CPVL: variants seen among roughly 807,000 people sequenced by gnomAD.
The protein encoded by CPVL is probable serine carboxypeptidase CPVL.
In CPVL, 51 loss-of-function variants were observed where a neutral mutation model predicts 63.7. The observed-to-expected ratio is 0.80, with a 90% CI of 0.64 to 1.01. CPVL has a LOEUF of 1.01. CPVL is among the 50% of genes least tolerant of loss of function. CPVL has a pLI of 0.00. For missense variants in CPVL, 530 were observed against 573.1 expected, an observed-to-expected ratio of 0.92 and a Z score of 0.77; for synonymous variants, 195 against 206.0, an observed-to-expected ratio of 0.95 and a Z score of 0.46.
At chr7:29,107,999 T>C (rs957741146) in intron 3 of CPVL, among the ~76,000 whole-genome samples, 5 of 152,194 alleles carry the variant, frequency 3.3e-5, no homozygotes, top group Admixed American at 6.5e-5. Context: ...TCATTTTCTC[T>C]CCAATTGACT....
At chr7:29,142,865 T>C (rs949873758) in intron 1 of CPVL, among the ~76,000 whole-genome samples, 2 of 152,162 alleles carry the variant, frequency 1.3e-5, no homozygotes, top group Non-Finnish European at 2.9e-5. Flanking sequence ...TAATTGCAGA[T>C]GCCTGAGTTC....
chr7:29,094,816 A>T (rs953908451), intron 5 of CPVL, among the ~76,000 whole-genome samples: 1 of 152,134 alleles, frequency 6.6e-6, no homozygotes, highest in Non-Finnish European at 1.5e-5. Flanking sequence ...GTGAGCTGCC[A>T]GCCTGGGCGA....
chr7:29,029,672 G>A (rs1414912833), intron 12 of CPVL, among the ~76,000 whole-genome samples: 2 of 152,182 alleles, frequency 1.3e-5, no homozygotes, highest in African/African-American at 2.4e-5. Context: ...GTGGGAAGAC[G>A]AAGAGAGATT....
chr7:29,160,548 T>C (rs1001423157), intron 5 of CPVL, among the ~76,000 whole-genome samples: 2 of 152,144 alleles, frequency 1.3e-5, no homozygotes, highest in Admixed American at 1.3e-4. Flanking sequence ...TGAAATATAA[T>C]GAGAATTCTA....
chr7:29,054,936 T>C (rs1015603647), intron 11 of CPVL, among the ~76,000 whole-genome samples: 2 of 152,240 alleles, frequency 1.3e-5, no homozygotes, highest in Non-Finnish European at 2.9e-5. Context: ...CATTCATTTT[T>C]AATGATTACA....
At chr7:29,055,973 T>A (rs776963928) in intron 11 of CPVL, among the ~76,000 whole-genome samples, 3 of 152,188 alleles carry the variant, frequency 2.0e-5, no homozygotes, top group African/African-American at 4.8e-5. Flanking sequence ...CTAGCATCTA[T>A]CCCCTTTACT....
chr7:29,125,297 G>GAGTA (rs1789878846), intron 1 of CPVL, among the ~76,000 whole-genome samples: 1 of 151,838 alleles, frequency 6.6e-6, no homozygotes, highest in Admixed American at 6.6e-5. Context: ...TTTTACCAAG[G>GAGTA]AGTAACTGAC....
At chr7:29,114,594 C>T (rs929686867) in intron 2 of CPVL, among the ~76,000 whole-genome samples, 1 of 151,902 alleles carries the variant, frequency 6.6e-6, no homozygotes, top group South Asian at 2.1e-4. Flanking sequence ...CATGCCACTG[C>T]ACTCCAGCCT....
chr7:29,180,951 C>G (rs1272192865), intron 5 of CPVL, among the ~76,000 whole-genome samples: 1 of 152,138 alleles, frequency 6.6e-6, no homozygotes, highest in Non-Finnish European at 1.5e-5. Flanking sequence ...ATCACTGGTA[C>G]CCAGTACTTA....
intron 1 of CPVL, chr7:29,128,175 GTTTTTTTTTTTTTT>G (rs67806252): frequency 7.2e-6 from 1 of 139,604 alleles, no homozygotes. Context: ...AAAGTTAAGA[GTTTTTTTTTTTTTT>G]TTTTTTTTTT....
intron 1 of CPVL, chr7:29,127,599 G>A (rs909931786): frequency 6.6e-6 from 1 of 152,084 alleles, no homozygotes; most frequent in Non-Finnish European, 1.5e-5. Flanking sequence ...TTAAACAGCA[G>A]GAAATTGAAA....
chr7:29,090,870 A>G (rs1785701411), intron 6 of CPVL, among the ~76,000 whole-genome samples: 1 of 152,204 alleles, frequency 6.6e-6, no homozygotes, highest in Non-Finnish European at 1.5e-5. Flanking sequence ...GTCAAAAAGA[A>G]TGAGATTTTC....
intron 1 of CPVL, among the ~76,000 whole-genome samples, chr7:29,125,396 T>C (rs1308340309): frequency 6.9e-6 from 1 of 145,046 alleles, no homozygotes; most frequent in Admixed American, 6.9e-5. Flanking sequence ...GTCTTTTTTT[T>C]TTTTTTTTTT....
In CPVL at chr7:29,005,837, G is replaced by A. The variant is rs138247960; in HGVS notation, c.1321-9955C>T. 1.4e-3 allele frequency among the ~76,000 whole-genome samples: 213 copies of A among 152,286 alleles called. 1 individual carries two copies. Among genetic ancestry groups the A allele is most frequent in the African/African-American group, 4.7e-3 (195 of 41,556 alleles). Reference sequence around the variant, plus strand: ...CAGTTTTTATACTTGATATCCACAAGAGGATAAAAAGCACAATCCAGTTCA... The same window carrying A: ...CAGTTTTTATACTTGATATCCACAAAAGGATAAAAAGCACAATCCAGTTCA... On this transcript the variant is annotated intron_variant, in intron 12 of 12. Transcript: ENST00000265394.
At position 29,066,031 on chromosome 7, in the gene CPVL, G is replaced by A. The variant is rs146316329; in HGVS notation, c.955C>T (p.Arg319Trp). ...TTTTAAAATGTCATTACCGTGCACC[G>A]CAAAAAGTTATAGTAATTACTACAT... ...TGCSNYYNFL[R>W]CTEPEDQLYY... The change falls in exon 10 of 13, where the codon CGG becomes TGG. Residue 319 changes from arginine (R) to tryptophan (W), a missense_variant. Transcript: ENST00000265394. The A allele has an allele frequency of 4.0e-5, 63 of 1,583,120 alleles. No individual in the cohort carries two copies. The Admixed American group carries it at 4.6e-4, about 12-fold the overall frequency.
At chr7:29,101,456 G>A (rs1352010380) in intron 3 of CPVL, among the ~76,000 whole-genome samples, 5 of 152,158 alleles carry the variant, frequency 3.3e-5, no homozygotes, top group African/African-American at 4.8e-5. Flanking sequence ...TTAGCTGGGC[G>A]TGGTGGCGGG....
chr7:28,994,927 T>G (rs761113386), downstream of CPVL, among the ~76,000 whole-genome samples: 4 of 152,246 alleles, frequency 2.6e-5, no homozygotes, highest in Non-Finnish European at 4.4e-5. Context: ...TGTGCCAGGA[T>G]GTGACATTTT....
chr7:29,142,841 A>G (rs909795760), intron 1 of CPVL, among the ~76,000 whole-genome samples: 3 of 152,022 alleles, frequency 2.0e-5, no homozygotes, highest in African/African-American at 7.2e-5. Context: ...CAGATTCTTA[A>G]TGATGCTCCC....
At chr7:29,180,904 A>G (rs1797989500) in intron 5 of CPVL, among the ~76,000 whole-genome samples, 1 of 152,238 alleles carries the variant, frequency 6.6e-6, no homozygotes, top group African/African-American at 2.4e-5. Context: ...AATTGAAAAG[A>G]GTACGTAAGA....
Sources: gnomAD v4.1 joint callset for allele counts (sites outside exome capture counted in the v4.1 genomes callset) on GRCh38, gnomAD v4.1.1 for gene constraint, MANE v1.5 for transcripts, NCBI Gene and HGNC (gene_info 2026-07-23, HGNC 2026-07-21) for gene names.